ASB15: variants seen among roughly 807,000 people sequenced by gnomAD.
The protein encoded by ASB15 is ankyrin repeat and SOCS box containing 15.
A neutral mutation model predicts 58.0 loss-of-function variants in ASB15; 54 were observed. That is an observed-to-expected ratio of 0.93 (90% CI 0.75 to 1.17). ASB15 has a LOEUF of 1.17. ASB15 is among the 50% of genes most tolerant of loss of function. The pLI, the probability that ASB15 is intolerant of heterozygous loss-of-function variation, is 0.00. For missense variants in ASB15, 680 were observed against 707.4 expected (o/e 0.96, Z 0.44); for synonymous variants, 249 against 262.4 (o/e 0.95, Z 0.50).
chr7:123,587,265 C>A (rs1452513125), intron 1 of ASB15, among the ~76,000 whole-genome samples: 2 of 151,526 alleles, frequency 1.3e-5, no homozygotes, highest in African/African-American at 4.8e-5. Context: ...CCTTTCACCT[C>A]CTTGGTTAAA....
intron 3 of ASB15, among the ~76,000 whole-genome samples, chr7:123,610,297 T>C (rs1800369611): frequency 6.6e-6 from 1 of 152,196 alleles, no homozygotes; most frequent in Non-Finnish European, 1.5e-5. Flanking sequence ...ACCTACAATA[T>C]AGAATTGGAA....
In ASB15 at chr7:123,636,857, T is replaced by G; in HGVS notation, c.1643T>G (p.Leu548Arg). 2 of 1,612,250 alleles carry G rather than the reference T, an allele frequency of 1.2e-6. No individual in the cohort carries two copies. The highest frequency in any genetic ancestry group is 1.7e-6 in the Non-Finnish European group (2 of 1,178,390). Reference sequence around the variant, plus strand: ...TTGTGTCGGTTAAAAATTCGAAGGCTTATGGGTCTCCAGAAACTCTGCCAG... The same window carrying G: ...TTGTGTCGGTTAAAAATTCGAAGGCGTATGGGTCTCCAGAAACTCTGCCAG... ...KHLCRLKIRR[L>R]MGLQKLCQPA... Residue 548 changes from leucine to arginine, a missense_variant, in exon 12 of 12, where the codon CTT (leucine) becomes CGT (arginine). Physicochemically the swap from Leu to Arg is moderately radical, Grantham distance 102. Coordinates refer to ENST00000451215, the MANE Select transcript of ASB15 (RefSeq NM_001290258.2).
At chr7:123,634,011 G>A (rs961865618) in intron 11 of ASB15, among the ~76,000 whole-genome samples, 1 of 152,160 alleles carries the variant, frequency 6.6e-6, no homozygotes, top group Non-Finnish European at 1.5e-5. Context: ...TTAAATATAC[G>A]ATTGGTGGGT....
chr7:123,589,743 C>A (rs369494012), intron 1 of ASB15, among the ~76,000 whole-genome samples: 1 of 152,090 alleles, frequency 6.6e-6, no homozygotes, highest in East Asian at 1.9e-4. Context: ...GGGTTGATTC[C>A]AAGTCTTGCT....
chr7:123,619,457 G>T (rs1801082830), intron 7 of ASB15, among the ~76,000 whole-genome samples: 1 of 152,118 alleles, frequency 6.6e-6, no homozygotes, highest in Non-Finnish European at 1.5e-5. Context: ...CAGGTGTTCT[G>T]CCCCGATACA....
intron 1 of ASB15, among the ~76,000 whole-genome samples, chr7:123,591,679 CGTGTTG>C (rs1799542672): frequency 6.6e-6 from 1 of 151,968 alleles, no homozygotes; most frequent in South Asian, 2.1e-4. Context: ...TGCTTTTTGA[CGTGTTG>C]CTGGATTCGG....
chr7:123,620,556 T>TA (rs1801242851), intron 7 of ASB15, among the ~76,000 whole-genome samples: 7 of 8,622 alleles, frequency 8.1e-4, no homozygotes, highest in Non-Finnish European at 1.1e-3. Context: ...ATATATATAT[T>TA]TTTTTTTTTT....
At chr7:123,574,875 T>G (rs898100668) in intron 1 of ASB15, among the ~76,000 whole-genome samples, 8 of 152,098 alleles carry the variant, frequency 5.3e-5, no homozygotes, top group African/African-American at 1.9e-4. Context: ...TATTTCAGTC[T>G]TGAAGACTTT....
chr7:123,620,906 T>C (rs1801281480), intron 7 of ASB15, among the ~76,000 whole-genome samples: 1 of 151,266 alleles, frequency 6.6e-6, no homozygotes, highest in Non-Finnish European at 1.5e-5. Context: ...GCCACAGGAG[T>C]GTTTGCAGCA....
At chr7:123,613,735 A>G (rs998981674) in intron 3 of ASB15, among the ~76,000 whole-genome samples, 8 of 152,116 alleles carry the variant, frequency 5.3e-5, no homozygotes, top group African/African-American at 1.9e-4. Flanking sequence ...GAAGCTGACC[A>G]TTGCTGGTTT....
chr7:123,584,274 T>A (rs1584733454), intron 1 of ASB15, among the ~76,000 whole-genome samples: 1 of 131,990 alleles, frequency 7.6e-6, no homozygotes, highest in African/African-American at 3.0e-5. Context: ...ATCGTGCCAC[T>A]GCACTCAGCC....
chr7:123,620,826 T>G (rs947405211), intron 7 of ASB15, among the ~76,000 whole-genome samples: 10 of 151,548 alleles, frequency 6.6e-5, no homozygotes, highest in Middle Eastern at 3.2e-3. Flanking sequence ...CCTCCCAAAA[T>G]GCTGGGATTA....
Position 123,638,616 on chromosome 7 carries a change from T to C in ASB15, c.*1635T>C, listed in dbSNP as rs1286609194. 6.6e-6 allele frequency: 1 copy of C among 152,158 alleles called. No individual in the cohort carries two copies. The highest frequency in any genetic ancestry group is 1.5e-5 in the Non-Finnish European group (1 of 68,036). 9.4% of individuals were successfully genotyped at this position (152,158 alleles called of 1,614,324 possible). ...CGAGTGAGAATTTCACTGTGGGCCA[T>C]CAAATATCTGAGGACCTTTGTATGG... On this transcript the variant is annotated 3_prime_UTR_variant, in exon 12 of 12. Transcript: ENST00000451215.
chr7:123,625,584 C>T (rs1208092245), intron 8 of ASB15, among the ~76,000 whole-genome samples: 1 of 152,186 alleles, frequency 6.6e-6, no homozygotes, highest in Non-Finnish European at 1.5e-5. Flanking sequence ...CTCTTCAGCA[C>T]AATTCAAAGT....
Position 123,624,674 on chromosome 7 carries a change from A to G in ASB15, c.557A>G (p.Lys186Arg). ...TGGTCAGCAATGCATGAAGCAGCCAAGCAAGGCCGAAAAGATATCGTAGCT... is the reference window on the plus strand; with the variant it reads ...TGGTCAGCAATGCATGAAGCAGCCAGGCAAGGCCGAAAAGATATCGTAGCT... ...KRWSAMHEAA[K>R]QGRKDIVALL... Residue 186 changes from lysine (K) to arginine (R), a missense_variant, in exon 8 of 12, where the codon AAG (lysine) becomes AGG (arginine). Coordinates refer to ENST00000451215, the MANE Select transcript of ASB15 (RefSeq NM_001290258.2). 6.2e-7 allele frequency: 1 copy of G among 1,614,212 alleles called. No homozygotes were observed.
chr7:123,614,866 C>T (rs1006609953), intron 4 of ASB15, among the ~76,000 whole-genome samples: 1 of 152,130 alleles, frequency 6.6e-6, no homozygotes, highest in Non-Finnish European at 1.5e-5. Context: ...TATAGAATTG[C>T]CTATTTTCTA....
Position 123,636,990 on chromosome 7 carries a change from T to A in ASB15, c.*9T>A. On this transcript the variant is annotated 3_prime_UTR_variant, in exon 12 of 12. Coordinates refer to ENST00000451215, the MANE Select transcript of ASB15 (RefSeq NM_001290258.2). ...AGCTAAAATTGACATAACTTAATAT[T>A]TTAAAATGTGATTTAAAAAAAATGT... 6.7e-7 allele frequency: 1 copy of A among 1,482,114 alleles called. No homozygotes were observed. Among genetic ancestry groups the A allele is most frequent in the Non-Finnish European group, 9.2e-7 (1 of 1,082,056 alleles). The allele number at this position is 1,482,114 out of a possible 1,614,324, so 91.8% of individuals were successfully genotyped here.
chr7:123,634,714 A>C (rs534195040), intron 11 of ASB15, among the ~76,000 whole-genome samples: 27 of 152,252 alleles, frequency 1.8e-4, no homozygotes, highest in Non-Finnish European at 3.1e-4. Flanking sequence ...AAGTAAAAGC[A>C]TTCCTTTATA....
intron 3 of ASB15, among the ~76,000 whole-genome samples, chr7:123,611,294 AT>A (rs934238765): frequency 1.9e-4 from 29 of 151,016 alleles, no homozygotes; most frequent in Non-Finnish European, 2.7e-4. Context: ...TAGATAAATA[AT>A]TTTTTTTTCT....
Sources: gnomAD v4.1 joint callset for allele counts (sites outside exome capture counted in the v4.1 genomes callset) on GRCh38, gnomAD v4.1.1 for gene constraint, MANE v1.5 for transcripts, NCBI Gene and HGNC (gene_info 2026-07-23, HGNC 2026-07-21) for gene names.